TMX4: variants seen among roughly 807,000 people sequenced by gnomAD.
TMX4 encodes thioredoxin-related transmembrane protein 4.
TMX4 carries 23 observed loss-of-function variants against 33.3 expected under a neutral mutation model. The ratio of observed to expected loss-of-function variants is 0.69; its 90% CI spans 0.50 to 0.98. The LOEUF (loss-of-function observed/expected upper bound fraction) is 0.98, where lower values mean the gene tolerates loss of function less well. TMX4 is among the 50% of genes least tolerant of loss of function. The pLI is 0.00. For missense variants in TMX4, 399 were observed against 448.9 expected, an observed-to-expected ratio of 0.89 and a Z score of 1.01; for synonymous variants, 164 against 161.5, an observed-to-expected ratio of 1.02 and a Z score of -0.12.
intron 1 of TMX4, among the ~76,000 whole-genome samples, chr20:8,018,098 T>C (rs949326078): frequency 7.2e-5 from 11 of 151,832 alleles, no homozygotes; most frequent in Non-Finnish European, 1.3e-4. Context: ...GGCACCTGCT[T>C]GCAATTTAAA....
rs574359185 is a variant in TMX4 at position 8,019,135 on chromosome 20, C to A, written c.176+303G>T. 439 of 488,236 alleles carry A rather than the reference C, an allele frequency of 9.0e-4. 1 individual carries two copies. Among genetic ancestry groups the A allele is most frequent in the Non-Finnish European group, 1.4e-3 (373 of 264,480 alleles). 30.2% of individuals were successfully genotyped at this position (488,236 alleles called of 1,614,324 possible). On this transcript the variant is annotated intron_variant, in intron 1 of 7. Coordinates refer to ENST00000246024, the MANE Select transcript of TMX4 (RefSeq NM_021156.4). ...ACCCCGAAAACACTGTCCCCCAAAG[C>A]AAGGGGACGCGCTGCACCCTCGGCT...
intron 2 of TMX4, among the ~76,000 whole-genome samples, chr20:8,005,209 A>ATCTG (rs916440668): frequency 2.8e-5 from 4 of 144,976 alleles, no homozygotes; most frequent in African/African-American, 5.3e-5. Context: ...CTCAAGGGTG[A>ATCTG]TGAGCAGCTG....
Position 7,977,453 on chromosome 20 carries a change from T to C in TMX4, c.*4798A>G, listed in dbSNP as rs539405784. The C allele has an allele frequency of 1.3e-5, 2 of 152,366 alleles. No individual in the cohort carries two copies. The highest frequency in any genetic ancestry group is 2.1e-4 in the South Asian group (1 of 4,828). The allele number at this position is 152,366 out of a possible 1,614,324, so 9.4% of individuals were successfully genotyped here. Reference sequence around the variant, plus strand: ...TGTATGAAAAGCAATACACCATTTGTTTTTACTTACCAATCACTATCATTA... The same window carrying C: ...TGTATGAAAAGCAATACACCATTTGCTTTTACTTACCAATCACTATCATTA... On this transcript the variant is annotated 3_prime_UTR_variant, in exon 8 of 8. Coordinates refer to ENST00000246024, the MANE Select transcript of TMX4 (RefSeq NM_021156.4).
At chr20:7,986,282 G>A (rs1173393940) in intron 6 of TMX4, among the ~76,000 whole-genome samples, 4 of 152,168 alleles carry the variant, frequency 2.6e-5, no homozygotes, top group Non-Finnish European at 1.5e-5. Flanking sequence ...AACATCAGGA[G>A]CCAAGTTTCA....
At chr20:7,983,436 G>A (rs1394788996) in intron 7 of TMX4, among the ~76,000 whole-genome samples, 1 of 152,158 alleles carries the variant, frequency 6.6e-6, no homozygotes, top group African/African-American at 2.4e-5. Flanking sequence ...AAGGATTTGG[G>A]AAGACTGCTT....
At chr20:8,010,770 A>G (rs1322851547) in intron 1 of TMX4, among the ~76,000 whole-genome samples, 1 of 152,160 alleles carries the variant, frequency 6.6e-6, no homozygotes, top group African/African-American at 2.4e-5. Context: ...AGCATCCTCA[A>G]GAATGTTTCC....
At chr20:8,014,741 A>C (rs2050765908) in intron 1 of TMX4, among the ~76,000 whole-genome samples, 1 of 152,180 alleles carries the variant, frequency 6.6e-6, no homozygotes, top group Non-Finnish European at 1.5e-5. Context: ...ATACAGTAAA[A>C]ATGTTCTTTA....
At chr20:7,983,143 T>C (rs556991049) in intron 7 of TMX4, among the ~76,000 whole-genome samples, 3 of 152,334 alleles carry the variant, frequency 2.0e-5, no homozygotes, top group African/African-American at 7.2e-5. Context: ...GGCTTTTCAG[T>C]TATGTGAGCT....
At chr20:8,019,053 G>A in intron 1 of TMX4, 1 of 454,224 alleles carries the variant, frequency 2.2e-6, no homozygotes. Flanking sequence ...AAAGCACACG[G>A]TTTGCTTGCA....
At chr20:7,996,093 G>C in intron 4 of TMX4, 22 bp from the exon 5 acceptor site, 1 of 1,599,906 alleles carries the variant, frequency 6.3e-7, no homozygotes, top group Non-Finnish European at 8.5e-7. Context: ...ATAAAGAGAA[G>C]AAACAGTGAT....
In TMX4 at chr20:7,982,354, T is replaced by G. The variant is rs1250257071; in HGVS notation, c.947A>C (p.Glu316Ala). Residue 316 changes from glutamate to alanine, a missense_variant, in exon 8 of 8, where the codon GAG (glutamate) becomes GCG (alanine). Glu to Ala is a moderately radical substitution (Grantham distance 107). Transcript: ENST00000246024. ...TTGCTCAGAGATGCCTTCTTCAGCC[T>G]CCTCAGGCTCTACTTCCTCCCGGGT... ...GVTREEVEPE[E>A]AEEGISEQPC... 1 of 1,614,002 alleles carries G rather than the reference T, an allele frequency of 6.2e-7. No individual in the cohort carries two copies. The highest frequency in any genetic ancestry group is 8.5e-7 in the Non-Finnish European group (1 of 1,180,038).
chr20:7,985,257 G>GTGTATA (rs1344084369), intron 6 of TMX4, among the ~76,000 whole-genome samples: 1 of 130,820 alleles, frequency 7.6e-6, no homozygotes, highest in African/African-American at 2.8e-5. Context: ...GTGTGTGTGT[G>GTGTATA]TATATATATA....
chr20:7,985,578 C>T (rs765430788), intron 6 of TMX4, among the ~76,000 whole-genome samples: 12 of 152,012 alleles, frequency 7.9e-5, no homozygotes, highest in Admixed American at 2.0e-4. Context: ...CAGCCTAAAA[C>T]AGGTACTTTG....
At chr20:7,986,001 C>A (rs578252783) in intron 6 of TMX4, among the ~76,000 whole-genome samples, 1 of 152,182 alleles carries the variant, frequency 6.6e-6, no homozygotes, top group Non-Finnish European at 1.5e-5. Context: ...ATCATTGACT[C>A]GCCTGGGACC....
chr20:8,014,444 C>T lies in TMX4; in HGVS notation c.177-4129G>A, dbSNP rs115629992. ...AATTAATCTATTATTCACTCATTTA[C>T]CTAGTCACAAAGTATTTTTTGAACA... On this transcript the variant is annotated intron_variant, in intron 1 of 7. Transcript: ENST00000246024. 8.1e-3 allele frequency among the ~76,000 whole-genome samples: 1,228 copies of T among 152,290 alleles called. 13 individuals are homozygous for T. The highest frequency in any genetic ancestry group is 0.028 in the African/African-American group (1,153 of 41,548).
In TMX4 at chr20:7,981,155, A is replaced by G. The variant is rs778703545; in HGVS notation, c.*1096T>C. On this transcript the variant is annotated 3_prime_UTR_variant, in exon 8 of 8. Transcript: ENST00000246024. ...TTCTTTGGAAGATTACAGAAGATGG[A>G]AACAAAATCAAATCTTTCACTTTCA... 6.6e-6 allele frequency: 1 copy of G among 152,180 alleles called. No individual in the cohort carries two copies. The highest frequency in any genetic ancestry group is 1.5e-5 in the Non-Finnish European group (1 of 68,036). 9.4% of individuals were successfully genotyped at this position (152,180 alleles called of 1,614,324 possible).
At chr20:7,985,108 TG>T (rs1464608559) in intron 6 of TMX4, among the ~76,000 whole-genome samples, 4 of 152,082 alleles carry the variant, frequency 2.6e-5, no homozygotes, top group Non-Finnish European at 4.4e-5. Context: ...TTTCAAATTG[TG>T]TAACTCTCAC....
At chr20:7,989,990 G>C (rs1446480309) in intron 5 of TMX4, among the ~76,000 whole-genome samples, 2 of 152,056 alleles carry the variant, frequency 1.3e-5, no homozygotes, top group African/African-American at 4.8e-5. Flanking sequence ...TATGGTACTA[G>C]ATGAATAAGA....
chr20:7,993,581 G>A (rs1213590266), intron 5 of TMX4, among the ~76,000 whole-genome samples: 1 of 152,098 alleles, frequency 6.6e-6, no homozygotes, highest in Non-Finnish European at 1.5e-5. Flanking sequence ...GGTCTCTTTA[G>A]GTCAGAGATG....
Sources: gnomAD v4.1 joint callset for allele counts (sites outside exome capture counted in the v4.1 genomes callset) on GRCh38, gnomAD v4.1.1 for gene constraint, MANE v1.5 for transcripts, NCBI Gene and HGNC (gene_info 2026-07-23, HGNC 2026-07-21) for gene names.